Variants in BBX observed in about 807,000 individuals in gnomAD.
The protein encoded by BBX is HMG box transcription factor BBX.
In BBX, 30 loss-of-function variants were observed where a neutral mutation model predicts 100.2. The observed-to-expected ratio is 0.30, with a 90% confidence interval of 0.22 to 0.41. The LOEUF (loss-of-function observed/expected upper bound fraction) is 0.41, where lower values mean the gene tolerates loss of function less well. Among genes scored for constraint, BBX ranks in the 10% least tolerant of loss-of-function variants. The probability of loss-of-function intolerance (pLI) is 1.00; values close to 1 mark genes in which losing one functional copy is unlikely to be tolerated. For synonymous variants in BBX, 376 were observed against 388.1 expected, an observed-to-expected ratio of 0.97 and a Z score of 0.37; for missense variants, 1,023 against 1,129.8, an observed-to-expected ratio of 0.91 and a Z score of 1.35.
chr3:107,673,434 T>G (rs762911011), intron 3 of BBX, among the ~76,000 whole-genome samples: 1 of 152,048 alleles, frequency 6.6e-6, no homozygotes, highest in Non-Finnish European at 1.5e-5. Context: ...AGCTTTAATC[T>G]ACATTTTTTT....
At position 107,638,780 on chromosome 3, in the gene BBX, TACACACACACACACACACACAC is replaced by T. The variant is rs61081300; in HGVS notation, c.-83-7024_-83-7003del. 1.4e-3 allele frequency among the ~76,000 whole-genome samples: 139 copies of T among 99,884 alleles called. 2 individuals are homozygous for T. The highest frequency in any genetic ancestry group is 4.7e-3 in the African/African-American group (116 of 24,900). The allele number at this position is 99,884 out of a possible 152,430, so 65.5% of individuals were successfully genotyped here. ...TACCAAAAAAAAAAAAAAAAAAGTA[TACACACACACACACACACACAC>T]ACACACACACACACACACACACACA... On this transcript the variant is annotated intron_variant, in intron 2 of 17. Transcript: ENST00000325805.
Position 107,801,102 on chromosome 3 carries a change from A to T in BBX, c.2559A>T (p.Lys853Asn), listed in dbSNP as rs1287152288. The change falls in exon 17 of 18, where the codon AAA becomes AAT. Residue 853 changes from lysine (K) to asparagine (N), a missense_variant. Coordinates refer to ENST00000325805, the MANE Select transcript of BBX (RefSeq NM_001142568.3). The part of the protein sequence containing the change: ...VSPAGGTLDD[K>N]PKEQLQRSLP... ...ATTTCTCTTTTGTTACAGATGACAA[A>T]CCAAAGGAACAACTGCAGAGGAGTC... The T allele has an allele frequency of 6.2e-7, 1 of 1,613,964 alleles. No homozygotes were observed. Among genetic ancestry groups the T allele is most frequent in the East Asian group, 2.2e-5 (1 of 44,894 alleles).
chr3:107,804,621 A>G (rs528095355), intron 17 of BBX, among the ~76,000 whole-genome samples: 1 of 152,322 alleles, frequency 6.6e-6, no homozygotes, highest in Admixed American at 6.5e-5. Flanking sequence ...CATAGGTTCT[A>G]TCCAAATGAT....
chr3:107,535,330 G>A (rs1449320680), intron 2 of BBX, among the ~76,000 whole-genome samples: 8 of 151,996 alleles, frequency 5.3e-5, no homozygotes, highest in South Asian at 2.1e-4. Context: ...GGAAAGTTAC[G>A]TGAAAAAGTC....
intron 2 of BBX, among the ~76,000 whole-genome samples, chr3:107,618,354 G>GT (rs768965488): frequency 8.6e-5 from 13 of 152,042 alleles, no homozygotes; most frequent in Admixed American, 1.3e-4. Context: ...TCTTTGTCTG[G>GT]TGTTAGTTCG....
At chr3:107,568,842 T>C (rs2051134069) in intron 2 of BBX, among the ~76,000 whole-genome samples, 1 of 152,230 alleles carries the variant, frequency 6.6e-6, no homozygotes, top group Non-Finnish European at 1.5e-5. Flanking sequence ...CAAAGTTTCA[T>C]TTCCAGGACT....
intron 3 of BBX, among the ~76,000 whole-genome samples, chr3:107,682,150 A>G (rs1375568270): frequency 1.3e-5 from 2 of 152,144 alleles, no homozygotes; most frequent in African/African-American, 4.8e-5. Context: ...TGAAGATGTT[A>G]GGAACATGGG....
rs543527927 is a variant in BBX at position 107,778,375 on chromosome 3, G to T, written c.2059G>T (p.Ala687Ser). The T allele has an allele frequency of 6.8e-6, 11 of 1,612,874 alleles. No homozygotes were observed. In the South Asian group the frequency reaches 1.1e-4, roughly 16 times the overall value. ...TCCCCTCTCCCCTTTTAATAGCTCCGCAAAGCTGGATGAAGAATTTGAAAA... is the reference window on the plus strand; with the variant it reads ...TCCCCTCTCCCCTTTTAATAGCTCCTCAAAGCTGGATGAAGAATTTGAAAA... ...KPKEDCLLGSAKLDEEFEKKF... is the reference protein window; with the variant it reads ...KPKEDCLLGSSKLDEEFEKKF... Residue 687 changes from alanine (A) to serine (S), a missense_variant, in exon 13 of 18, where the codon GCA becomes TCA. Physicochemically the swap from Ala to Ser is moderately conservative, Grantham distance 99. Coordinates refer to ENST00000325805, the MANE Select transcript of BBX (RefSeq NM_001142568.3).
Position 107,805,528 on chromosome 3 carries a change from T to C in BBX, c.*71T>C. ...CCTTGTCTTTACCGAGGGATGCTAG[T>C]GAGTCCAAGTGGTGGAAAATATAGA... On this transcript the variant is annotated 3_prime_UTR_variant, in exon 18 of 18. Transcript: ENST00000325805. 6.2e-7 allele frequency: 1 copy of C among 1,612,360 alleles called. No individual in the cohort carries two copies.
intron 2 of BBX, among the ~76,000 whole-genome samples, chr3:107,566,814 A>G (rs189783674): frequency 3.4e-4 from 52 of 151,634 alleles, no homozygotes; most frequent in African/African-American, 8.0e-4. Context: ...ATCCTAATCA[A>G]TTCTACTATT....
At chr3:107,601,520 T>C (rs570763497) in intron 2 of BBX, among the ~76,000 whole-genome samples, 1 of 152,270 alleles carries the variant, frequency 6.6e-6, no homozygotes, top group Admixed American at 6.5e-5. Context: ...ACGGAGAAAG[T>C]TTGGTCTGGA....
At chr3:107,604,173 C>T (rs1243198990) in intron 2 of BBX, among the ~76,000 whole-genome samples, 1 of 152,076 alleles carries the variant, frequency 6.6e-6, no homozygotes, top group Non-Finnish European at 1.5e-5. Flanking sequence ...TAAAACTATT[C>T]CCAGGTGTTT....
chr3:107,549,927 T>G (rs1360513123), intron 2 of BBX, among the ~76,000 whole-genome samples: 1 of 150,694 alleles, frequency 6.6e-6, no homozygotes, highest in Non-Finnish European at 1.5e-5. Context: ...AATTTTAAAA[T>G]AACTCTCAAG....
intron 2 of BBX, among the ~76,000 whole-genome samples, chr3:107,573,735 T>C (rs2051553308): frequency 6.6e-6 from 1 of 151,242 alleles, no homozygotes; most frequent in African/African-American, 2.4e-5. Context: ...TCTCTCTCTC[T>C]TTTTTTTTGA....
chr3:107,612,042 TC>T (rs931136015), intron 2 of BBX, among the ~76,000 whole-genome samples: 4 of 152,128 alleles, frequency 2.6e-5, no homozygotes, highest in African/African-American at 9.7e-5. Flanking sequence ...GTTGCATTTT[TC>T]AATTCCAGAT....
At chr3:107,661,207 C>T (rs75793655) in intron 3 of BBX, among the ~76,000 whole-genome samples, 8,748 of 152,032 alleles carry the variant, frequency 0.058, 316 homozygotes, top group Admixed American at 0.067. Context: ...TTCAGTGTCC[C>T]ATAAGATAGA....
intron 2 of BBX, among the ~76,000 whole-genome samples, chr3:107,645,430 T>G (rs1483802001): frequency 6.6e-6 from 1 of 152,214 alleles, no homozygotes; most frequent in East Asian, 1.9e-4. Flanking sequence ...GAATCACAGT[T>G]TATCTAGTTG....
At chr3:107,620,233 A>G (rs2055639507) in intron 2 of BBX, among the ~76,000 whole-genome samples, 4 of 151,804 alleles carry the variant, frequency 2.6e-5, no homozygotes, top group Admixed American at 2.0e-4. Flanking sequence ...CAAAATTTCC[A>G]TTTGGTTCTA....
In BBX at chr3:107,799,163, A is replaced by G. The variant is rs551688320; in HGVS notation, c.2551+443A>G. 1.3e-4 allele frequency among the ~76,000 whole-genome samples: 20 copies of G among 152,026 alleles called. No homozygotes were observed. The South Asian group carries it at 1.5e-3, about 11-fold the overall frequency. ...AGACTCTGTCTCAAAAAAAAAAACA[A>G]CAACAACAAACACAAAAAAATCTCA... is the stretch of plus-strand genomic sequence containing the variant. On this transcript the variant is annotated intron_variant, in intron 16 of 17. Transcript: ENST00000325805.
Sources: allele counts gnomAD v4.1 joint callset (sites outside exome capture counted in the v4.1 genomes callset), GRCh38; gene constraint gnomAD v4.1.1; transcripts MANE v1.5; gene names NCBI Gene and HGNC (gene_info 2026-07-23, HGNC 2026-07-21).